NR5A2: variants seen among roughly 807,000 people sequenced by gnomAD.
The protein encoded by NR5A2 is nuclear receptor subfamily 5 group A member 2.
A neutral mutation model predicts 62.7 loss-of-function variants in NR5A2; 26 were observed. That is an observed-to-expected ratio of 0.41 (90% CI 0.30 to 0.58). NR5A2 has a LOEUF of 0.58. NR5A2 is among the 20% of genes least tolerant of loss of function. The pLI is 0.22. For missense variants in NR5A2, 541 were observed against 669.1 expected (o/e 0.81, Z 2.11); for synonymous variants, 246 against 241.7 (o/e 1.02, Z -0.16).
chr1:200,133,532 C>A (rs1016871458), intron 7 of NR5A2, among the ~76,000 whole-genome samples: 2 of 66,024 alleles, frequency 3.0e-5, no homozygotes, highest in Non-Finnish European at 6.3e-5. Flanking sequence ...TATATACACA[C>A]ACATATATAT....
At chr1:200,173,179 AG>A (rs1654260192) in intron 7 of NR5A2, among the ~76,000 whole-genome samples, 1 of 152,196 alleles carries the variant, frequency 6.6e-6, no homozygotes, top group African/African-American at 2.4e-5. Context: ...CATAGTCATC[AG>A]GAGTTAGGCG....
At position 200,038,744 on chromosome 1, in the gene NR5A2, G is replaced by A. The variant is rs753457287; in HGVS notation, c.65-914G>A. The A allele has an allele frequency of 1.7e-5, 23 of 1,365,586 alleles. No individual in the cohort carries two copies. In the Admixed American group the frequency reaches 4.4e-4, roughly 26 times the overall value. 84.6% of individuals were successfully genotyped at this position (1,365,586 alleles called of 1,614,324 possible). On this transcript the variant is annotated intron_variant, in intron 1 of 7. Transcript: ENST00000367362. ...CTGGCTGCTTCTCCTTCGCCGCCAC[G>A]CTCAGACAGAGGTCGCTTCTGACTA...
At chr1:200,031,571 CTTTTTT>C (rs530174677) in intron 1 of NR5A2, among the ~76,000 whole-genome samples, 11 of 89,522 alleles carry the variant, frequency 1.2e-4, no homozygotes, top group African/African-American at 5.3e-4. Flanking sequence ...TCTTTAACAC[CTTTTTT>C]TTTTTTTTTT....
At chr1:200,166,343 A>G (rs1248624435) in intron 7 of NR5A2, among the ~76,000 whole-genome samples, 2 of 152,146 alleles carry the variant, frequency 1.3e-5, no homozygotes, top group African/African-American at 4.8e-5. Context: ...GTGCCCCATA[A>G]CACTAGACTG....
intron 5 of NR5A2, among the ~76,000 whole-genome samples, chr1:200,092,986 C>T (rs1458558998): frequency 1.4e-5 from 2 of 143,792 alleles, no homozygotes; most frequent in Non-Finnish European, 3.0e-5. Context: ...CAGGTTCAAG[C>T]GATTCTCCTG....
At chr1:200,062,411 A>C (rs765633639) in intron 5 of NR5A2, among the ~76,000 whole-genome samples, 2 of 152,208 alleles carry the variant, frequency 1.3e-5, no homozygotes, top group Non-Finnish European at 2.9e-5. Flanking sequence ...TCTTCACCAC[A>C]CATCTTATCA....
intron 5 of NR5A2, among the ~76,000 whole-genome samples, chr1:200,063,557 A>G (rs1282757636): frequency 6.6e-6 from 1 of 152,188 alleles, no homozygotes; most frequent in African/African-American, 2.4e-5. Context: ...TTATGAGTTT[A>G]TCAATGAAGT....
chr1:200,141,640 G>C (rs1195744117), intron 7 of NR5A2, among the ~76,000 whole-genome samples: 1 of 152,166 alleles, frequency 6.6e-6, no homozygotes, highest in Non-Finnish European at 1.5e-5. Context: ...GAATGCACTT[G>C]TTGGGTCATA....
rs1475131654 is a variant in NR5A2, at chr1:200,048,828, C to T, written c.1110+10C>T. On this transcript the variant is annotated intron_variant, in intron 5 of 7. Transcript: ENST00000367362. The surrounding 1 kb of genome is among the most constrained non-coding windows in gnomAD (Gnocchi z 4.8). The stretch of plus-strand genomic sequence containing the variant: ...CTTCAGAGAACTTAAGGTATGCCAC[C>T]AGCTATTACAACTTACAGCACCCCT... 1.9e-6 allele frequency: 3 copies of T among 1,611,840 alleles called. No homozygotes were observed. The highest frequency in any genetic ancestry group is 1.3e-5 in the African/African-American group (1 of 74,982).
chr1:200,157,504 G>GA (rs925107087), intron 7 of NR5A2, among the ~76,000 whole-genome samples: 50 of 149,478 alleles, frequency 3.3e-4, no homozygotes, highest in East Asian at 5.9e-4. Context: ...TCATTACACT[G>GA]AAAAAAAAAT....
intron 5 of NR5A2, among the ~76,000 whole-genome samples, chr1:200,067,011 C>T (rs12069549): frequency 0.21 from 32,665 of 152,168 alleles, 4,607 homozygotes; most frequent in African/African-American, 0.41. Context: ...CCCCTTGCTT[C>T]ATCATAACCC....
intron 7 of NR5A2, among the ~76,000 whole-genome samples, chr1:200,133,520 TATATATACACACAC>T (rs755005172): frequency 0.023 from 2,283 of 100,578 alleles, 27 homozygotes; most frequent in African/African-American, 0.04. Context: ...TATATATATA[TATATATACACACAC>T]ATATATATAT....
chr1:200,110,844 G>A (rs771035887), intron 5 of NR5A2, among the ~76,000 whole-genome samples: 1 of 152,122 alleles, frequency 6.6e-6, no homozygotes, highest in Admixed American at 6.5e-5. Context: ...GCAATCTGGG[G>A]TCATTCTAAT....
intron 5 of NR5A2, among the ~76,000 whole-genome samples, chr1:200,074,087 C>T (rs1242729190): frequency 6.6e-6 from 1 of 151,536 alleles, no homozygotes; most frequent in Non-Finnish European, 1.5e-5. Context: ...ACTTGGTCCT[C>T]GTGAGGAATC....
At chr1:200,101,373 C>T (rs1393253712) in intron 5 of NR5A2, among the ~76,000 whole-genome samples, 1 of 152,128 alleles carries the variant, frequency 6.6e-6, no homozygotes, top group African/African-American at 2.4e-5. Context: ...TGCCCTTGTA[C>T]AAATCATCCT....
At chr1:200,111,059 C>A in intron 5 of NR5A2, 143 bp from the exon 6 acceptor site, 1 of 861,986 alleles carries the variant, frequency 1.2e-6, no homozygotes, top group South Asian at 1.9e-5. Flanking sequence ...ATTCTGGGCA[C>A]CTGTGCTTCA....
At chr1:200,046,758 A>T (rs915003979) in intron 4 of NR5A2, among the ~76,000 whole-genome samples, 1 of 152,230 alleles carries the variant, frequency 6.6e-6, no homozygotes, top group Non-Finnish European at 1.5e-5. Flanking sequence ...CTTACTACAT[A>T]CAGTAAGAGA....
chr1:200,071,659 T>A (rs984214521), intron 5 of NR5A2, among the ~76,000 whole-genome samples: 4 of 152,206 alleles, frequency 2.6e-5, no homozygotes, highest in African/African-American at 9.6e-5. Context: ...TGAGATTGAA[T>A]GCTCTAATTA....
At position 200,174,152 on chromosome 1, in the gene NR5A2, A is replaced by G. The variant is rs373453960; in HGVS notation, c.1568A>G (p.Asn523Ser). The G allele has an allele frequency of 1.2e-5, 20 of 1,613,638 alleles. No homozygotes were observed. The highest frequency in any genetic ancestry group is 1.6e-5 in the Non-Finnish European group (19 of 1,179,888). The change falls in exon 8 of 8, where the codon AAC (asparagine) becomes AGC (serine). Residue 523 changes from asparagine (N) to serine (S), a missense_variant. Transcript: ENST00000367362. ...AEEYLYYKHL[N>S]GDVPYNNLLI... The stretch of plus-strand genomic sequence containing the variant: ...GAATACCTCTACTACAAGCACCTGA[A>G]CGGGGATGTGCCCTATAATAACCTT...
Sources: allele counts gnomAD v4.1 joint callset (sites outside exome capture counted in the v4.1 genomes callset), GRCh38; gene constraint gnomAD v4.1.1; non-coding constraint Gnocchi (gnomAD v3.1); transcripts MANE v1.5; gene names NCBI Gene and HGNC (gene_info 2026-07-23, HGNC 2026-07-21).